ZNF407: variants seen among roughly 807,000 people sequenced by gnomAD.
The protein encoded by ZNF407 is zinc finger protein 407.
A neutral mutation model predicts 131.2 loss-of-function variants in ZNF407; 17 were observed. That is an observed-to-expected ratio of 0.13 (90% confidence interval 0.09 to 0.19). The LOEUF (loss-of-function observed/expected upper bound fraction) is 0.19, where lower values mean the gene tolerates loss of function less well. Among genes scored for constraint, ZNF407 ranks in the 10% least tolerant of loss-of-function variants. The probability of loss-of-function intolerance (pLI) is 1.00; values close to 1 mark genes in which losing one functional copy is unlikely to be tolerated. For synonymous variants in ZNF407, 1,156 were observed against 1,062.0 expected (o/e 1.09, Z -1.72); for missense variants, 2,681 against 2,830.6 (o/e 0.95, Z 1.20).
At chr18:74,947,826 C>G (rs999982004) in intron 8 of ZNF407, among the ~76,000 whole-genome samples, 1 of 152,224 alleles carries the variant, frequency 6.6e-6, no homozygotes. Flanking sequence ...GGCTTTCTCC[C>G]TGCGCCTTTT....
intron 7 of ZNF407, among the ~76,000 whole-genome samples, chr18:74,898,769 TAAC>T (rs1971485360): frequency 6.6e-6 from 1 of 152,226 alleles, no homozygotes; most frequent in Non-Finnish European, 1.5e-5. Context: ...TTACAACTTT[TAAC>T]ACATACATGA....
At chr18:74,637,866 G>T (rs1984528984) in intron 2 of ZNF407, among the ~76,000 whole-genome samples, 1 of 152,114 alleles carries the variant, frequency 6.6e-6, no homozygotes, top group Non-Finnish European at 1.5e-5. Flanking sequence ...AGCACTATAA[G>T]AAATAAATGA....
At chr18:74,692,986 A>G (rs1967264400) in intron 3 of ZNF407, among the ~76,000 whole-genome samples, 1 of 152,190 alleles carries the variant, frequency 6.6e-6, no homozygotes, top group Admixed American at 6.5e-5. Context: ...CACATGCCCC[A>G]GTCTTTCTCA....
intron 1 of ZNF407, among the ~76,000 whole-genome samples, chr18:74,613,103 T>C (rs1344184523): frequency 6.6e-6 from 1 of 152,214 alleles, no homozygotes; most frequent in African/African-American, 2.4e-5. Flanking sequence ...AAGTGACTTC[T>C]AAGGAGTGCA....
At chr18:74,901,206 A>G (rs984877562) in intron 7 of ZNF407, among the ~76,000 whole-genome samples, 4 of 152,118 alleles carry the variant, frequency 2.6e-5, no homozygotes, top group Non-Finnish European at 4.4e-5. Flanking sequence ...GTTCACTAGC[A>G]TTTTGTATGG....
At chr18:74,971,536 G>A (rs531626565) in intron 8 of ZNF407, among the ~76,000 whole-genome samples, 102 of 152,342 alleles carry the variant, frequency 6.7e-4, no homozygotes, top group African/African-American at 2.3e-3. Flanking sequence ...AATGCCAGGA[G>A]TCTCTGCTAA....
chr18:74,633,502 C>G lies in ZNF407; in HGVS notation c.2483C>G (p.Thr828Ser). The G allele has an allele frequency of 1.2e-6, 2 of 1,613,736 alleles. No homozygotes were observed. Among genetic ancestry groups the G allele is most frequent in the Non-Finnish European group, 1.7e-6 (2 of 1,179,800 alleles). ...SEELSQSGGS[T>S]KDDELASTTT... ...GAACTGTCACAGTCTGGTGGTAGCA[C>G]CAAAGATGATGAATTAGCTTCAACC... The change falls in exon 2 of 9, where the codon ACC becomes AGC. Residue 828 changes from threonine to serine, a missense_variant. Physicochemically the swap from Thr to Ser is moderately conservative, Grantham distance 58. Coordinates refer to ENST00000299687, the MANE Select transcript of ZNF407 (RefSeq NM_017757.3).
chr18:74,612,076 G>T (rs1453266463), intron 1 of ZNF407, among the ~76,000 whole-genome samples: 1 of 152,090 alleles, frequency 6.6e-6, no homozygotes, highest in African/African-American at 2.4e-5. Context: ...AATGTTAGCT[G>T]CATTCATCAC....
intron 1 of ZNF407, among the ~76,000 whole-genome samples, chr18:74,618,004 C>A (rs1202440644): frequency 1.3e-5 from 2 of 152,142 alleles, no homozygotes; most frequent in Non-Finnish European, 1.5e-5. Flanking sequence ...CCTCTCTCCC[C>A]ACTCCTCTCT....
chr18:74,843,868 A>G (rs1358026142), intron 4 of ZNF407, among the ~76,000 whole-genome samples: 4 of 152,354 alleles, frequency 2.6e-5, no homozygotes, highest in African/African-American at 7.2e-5. Flanking sequence ...ATGATTTTAT[A>G]TAAAATCATA....
At chr18:74,746,920 GA>G (rs1186774767) in intron 3 of ZNF407, among the ~76,000 whole-genome samples, 1 of 152,058 alleles carries the variant, frequency 6.6e-6, no homozygotes, top group Non-Finnish European at 1.5e-5. Flanking sequence ...AATTAGTTAT[GA>G]TATACCTTTA....
chr18:74,871,907 C>G (rs1183286591), intron 4 of ZNF407, among the ~76,000 whole-genome samples: 5 of 149,736 alleles, frequency 3.3e-5, no homozygotes, highest in Non-Finnish European at 7.4e-5. Flanking sequence ...TCTCACTTTG[C>G]TGCCCAGGCT....
At chr18:74,832,648 A>C (rs1970501929) in intron 4 of ZNF407, among the ~76,000 whole-genome samples, 1 of 152,154 alleles carries the variant, frequency 6.6e-6, no homozygotes, top group Non-Finnish European at 1.5e-5. Flanking sequence ...TAAGTTGAAA[A>C]AAATCCTTGG....
chr18:74,609,434 A>G (rs1388539798), intron 1 of ZNF407, among the ~76,000 whole-genome samples: 2 of 152,234 alleles, frequency 1.3e-5, no homozygotes, highest in Admixed American at 6.5e-5. Flanking sequence ...GCTGTAGGCA[A>G]TTGTAACTCA....
intron 3 of ZNF407, among the ~76,000 whole-genome samples, chr18:74,767,971 T>C (rs1052839674): frequency 6.6e-6 from 1 of 151,916 alleles, no homozygotes; most frequent in African/African-American, 2.4e-5. Context: ...TGCCCCTGAG[T>C]TCTCATTTTT....
At chr18:74,682,538 G>A (rs1457486217) in intron 3 of ZNF407, among the ~76,000 whole-genome samples, 1 of 152,152 alleles carries the variant, frequency 6.6e-6, no homozygotes, top group Admixed American at 6.5e-5. Context: ...GTTTTCTAAG[G>A]TGTGTAAGTA....
intron 1 of ZNF407, among the ~76,000 whole-genome samples, chr18:74,623,425 A>T (rs1983650093): frequency 6.6e-6 from 1 of 152,184 alleles, no homozygotes; most frequent in Non-Finnish European, 1.5e-5. Context: ...CGCTTCGTAG[A>T]TACTCTTTAG....
intron 4 of ZNF407, among the ~76,000 whole-genome samples, chr18:74,858,948 G>A (rs1463652450): frequency 2.6e-5 from 4 of 151,396 alleles, no homozygotes; most frequent in Non-Finnish European, 5.9e-5. Context: ...CCTTATCTGA[G>A]CAACAAGATA....
intron 4 of ZNF407, among the ~76,000 whole-genome samples, chr18:74,800,015 T>A (rs1395128476): frequency 6.6e-6 from 1 of 151,836 alleles, no homozygotes; most frequent in Non-Finnish European, 1.5e-5. Context: ...ATCATTCATT[T>A]CACTGATGAG....
Sources: gnomAD v4.1 joint callset for allele counts (sites outside exome capture counted in the v4.1 genomes callset) on GRCh38, gnomAD v4.1.1 for gene constraint, MANE v1.5 for transcripts, NCBI Gene and HGNC (gene_info 2026-07-23, HGNC 2026-07-21) for gene names.